PUM2: variants seen among roughly 807,000 people sequenced by gnomAD.
PUM2 encodes pumilio RNA binding family member 2.
PUM2 carries 57 observed loss-of-function variants against 124.5 expected under a neutral mutation model. The ratio of observed to expected loss-of-function variants is 0.46; its 90% CI spans 0.37 to 0.57. The LOEUF is 0.57. Ranked by LOEUF, PUM2 falls within the 20% of genes least tolerant of loss-of-function variation. The probability of loss-of-function intolerance (pLI) is 0.00; values close to 1 mark genes in which losing one functional copy is unlikely to be tolerated. For synonymous variants in PUM2, 460 were observed against 446.1 expected (o/e 1.03, Z -0.39); for missense variants, 1,065 against 1,290.6 (o/e 0.83, Z 2.68).
rs951319803 is a variant in PUM2, at chr2:20,253,789, A to C, written c.3063+33T>G. The C allele has an allele frequency of 1.9e-6, 3 of 1,557,444 alleles. No individual in the cohort carries two copies. In the Admixed American group the frequency reaches 5.3e-5, roughly 27 times the overall value. ...AAATGTGTAGCCTAAACACAAAGACAAACAGTTATCTGAGTGTTACATGCT... is the reference window on the plus strand; with the variant it reads ...AAATGTGTAGCCTAAACACAAAGACCAACAGTTATCTGAGTGTTACATGCT... On this transcript the variant is annotated intron_variant, in intron 20 of 20. Transcript: ENST00000361078.
At chr2:20,252,051 A>G (rs951950671) in intron 20 of PUM2, among the ~76,000 whole-genome samples, 3 of 152,240 alleles carry the variant, frequency 2.0e-5, no homozygotes, top group Non-Finnish European at 4.4e-5. Flanking sequence ...ACAAAGCACT[A>G]CTTATAACAA....
chr2:20,284,512 G>C lies in PUM2; in HGVS notation c.1292-1026C>G, dbSNP rs1344146923. 2.0e-5 allele frequency among the ~76,000 whole-genome samples: 3 copies of C among 151,668 alleles called. No homozygotes were observed. In the East Asian group the frequency reaches 5.8e-4, roughly 29 times the overall value. ...CTGGGACTACAGGTACATGCCACCA[G>C]GTCCGGATAATTTATTTTTATTTTC... On this transcript the variant is annotated intron_variant, in intron 10 of 20. Coordinates refer to ENST00000361078, the MANE Select transcript of PUM2 (RefSeq NM_015317.5).
intron 3 of PUM2, 124 bp downstream of exon 3, chr2:20,318,413 G>C (rs1466995725): frequency 1.3e-6 from 1 of 748,608 alleles, no homozygotes; most frequent in African/African-American, 1.8e-5. Context: ...ACCAGCCTGG[G>C]CAATAGCGCA....
chr2:20,338,092 C>T (rs1686490274), intron 1 of PUM2, among the ~76,000 whole-genome samples: 2 of 152,160 alleles, frequency 1.3e-5, no homozygotes, highest in Admixed American at 6.5e-5. Context: ...ATCACTCAAG[C>T]TAATGCCAAT....
At chr2:20,270,419 T>C (rs763818978) in intron 13 of PUM2, among the ~76,000 whole-genome samples, 2 of 152,184 alleles carry the variant, frequency 1.3e-5, no homozygotes, top group Non-Finnish European at 2.9e-5. Flanking sequence ...TAAAGCTTGC[T>C]TCAAAAGCTG....
rs1224375302 is a variant in PUM2 at position 20,336,517 on chromosome 2, A to ATT, written c.-18-9141_-18-9140dup. Reference sequence around the variant, plus strand: ...AAGTGGTTCTAAAGTTAAAGATATAATTTTTTTTTTTTTTAAAGAGACAGG... The same window carrying ATT: ...AAGTGGTTCTAAAGTTAAAGATATAATTTTTTTTTTTTTTTTAAAGAGACAGG... On this transcript the variant is annotated intron_variant, in intron 1 of 20. Transcript: ENST00000361078. 6.9e-3 allele frequency among the ~76,000 whole-genome samples: 989 copies of ATT among 143,942 alleles called. 7 individuals are homozygous for ATT. The highest frequency in any genetic ancestry group is 0.023 in the African/African-American group (911 of 39,496). The allele number at this position is 143,942 out of a possible 152,430, so 94.4% of individuals were successfully genotyped here. A position where few individuals can be genotyped will look rare whatever the true frequency, so the allele number is the denominator to read the frequency against.
chr2:20,307,872 G>A (rs894052134), intron 7 of PUM2, 106 bp downstream of exon 7: 12 of 1,409,290 alleles, frequency 8.5e-6, no homozygotes, highest in Middle Eastern at 1.9e-4. Context: ...GTTGATCTCA[G>A]ATGTTTCAAA....
chr2:20,292,489 A>G (rs914254586), intron 9 of PUM2, among the ~76,000 whole-genome samples: 1 of 152,032 alleles, frequency 6.6e-6, no homozygotes, highest in Non-Finnish European at 1.5e-5. Context: ...CAGCCTCCCC[A>G]GTAGCTAGGA....
intron 1 of PUM2, among the ~76,000 whole-genome samples, chr2:20,339,874 G>A (rs186825759): frequency 1.3e-5 from 2 of 152,176 alleles, no homozygotes; most frequent in East Asian, 1.9e-4. Flanking sequence ...CAGCCTGGGC[G>A]ATGAGTGAAA....
At chr2:20,312,137 AG>A in intron 4 of PUM2, 98 bp downstream of exon 4, 2 of 1,137,744 alleles carry the variant, frequency 1.8e-6, no homozygotes, top group Non-Finnish European at 2.4e-6. Context: ...TCTTAGCTAT[AG>A]GAAGGGCACA....
chr2:20,327,384 GAAT>G lies in PUM2; in HGVS notation c.-18-9_-18-7del. The G allele has an allele frequency of 6.5e-7, 1 of 1,540,226 alleles. No individual in the cohort carries two copies. The highest frequency in any genetic ancestry group is 8.9e-7 in the Non-Finnish European group (1 of 1,128,014). Reference sequence around the variant, plus strand: ...ATTTCATCCACAGATCAAACCTGTTGAATAACAAAAACAAAAATTAGTACAAAG... The same window carrying G: ...ATTTCATCCACAGATCAAACCTGTTGAACAAAAACAAAAATTAGTACAAAG... On this transcript the variant is annotated splice_polypyrimidine_tract_variant and splice_region_variant and intron_variant, in intron 1 of 20. Coordinates refer to ENST00000361078, the MANE Select transcript of PUM2 (RefSeq NM_015317.5).
chr2:20,252,375 C>A (rs1663631115), intron 20 of PUM2, among the ~76,000 whole-genome samples: 1 of 152,154 alleles, frequency 6.6e-6, no homozygotes, highest in African/African-American at 2.4e-5. Flanking sequence ...TACACCACTG[C>A]ACTCCAGCCT....
intron 12 of PUM2, 140 bp downstream of exon 12, chr2:20,282,807 T>C (rs1671836384): frequency 1.0e-6 from 1 of 983,836 alleles, no homozygotes; most frequent in Admixed American, 3.1e-5. Context: ...GATTTTTTTT[T>C]CCTACAAATT....
chr2:20,261,394 CAAAAAAAAA>C (rs200294801), intron 14 of PUM2, among the ~76,000 whole-genome samples: 57 of 76,780 alleles, frequency 7.4e-4, no homozygotes, highest in African/African-American at 1.3e-3. Context: ...ACTCTGTCTC[CAAAAAAAAA>C]AAAAAAAAAA....
intron 1 of PUM2, among the ~76,000 whole-genome samples, chr2:20,342,102 C>A (rs1375816867): frequency 4.8e-5 from 7 of 144,696 alleles, no homozygotes; most frequent in Non-Finnish European, 9.0e-5. Context: ...ACACTCCAGC[C>A]TGGGCAACAG....
At chr2:20,334,323 T>C (rs1685533125) in intron 1 of PUM2, among the ~76,000 whole-genome samples, 2 of 152,084 alleles carry the variant, frequency 1.3e-5, no homozygotes, top group Admixed American at 1.3e-4. Flanking sequence ...AAAAAAATTT[T>C]TTAAATTAAA....
rs1249609633 is a variant in PUM2 at position 20,256,077 on chromosome 2, G to A, written c.2578C>T (p.Gln860Ter). The change falls in exon 17 of 21, where the codon CAG becomes TAG. Residue 860 changes from glutamine (Q) to a stop codon, truncating the protein, a stop_gained. Coordinates refer to ENST00000361078, the MANE Select transcript of PUM2 (RefSeq NM_015317.5). LOFTEE classifies it high-confidence loss of function. ...HVVQKCIECV[Q>*]PQSLQFIIDA... ...ATGATGAACTGTAGTGACTGTGGCTGAACACATTCGATACATTTTTGTACA... is the reference window on the plus strand; with the variant it reads ...ATGATGAACTGTAGTGACTGTGGCTAAACACATTCGATACATTTTTGTACA... 6.3e-7 allele frequency: 1 copy of A among 1,599,964 alleles called. No homozygotes were observed. Among genetic ancestry groups the A allele is most frequent in the Non-Finnish European group, 8.5e-7 (1 of 1,175,100 alleles).
In PUM2 at chr2:20,263,178, A is replaced by G. The variant is rs1260435542; in HGVS notation, c.2225+15T>C. On this transcript the variant is annotated intron_variant, in intron 14 of 20. Transcript: ENST00000361078. ...TCAAAGCAAAAATGAAGTGAGAAAT[A>G]TCATAATCACCTACCTAGAACCATG... is the stretch of plus-strand genomic sequence containing the variant. 6.4e-7 allele frequency: 1 copy of G among 1,570,174 alleles called. No individual in the cohort carries two copies. Among genetic ancestry groups the G allele is most frequent in the South Asian group, 1.1e-5 (1 of 89,378 alleles).
intron 16 of PUM2, 63 bp from the exon 17 acceptor site, chr2:20,256,233 T>G: frequency 2.1e-6 from 3 of 1,443,322 alleles, no homozygotes; most frequent in Non-Finnish European, 2.8e-6. Context: ...GTATATTTTA[T>G]CTCAGTATTA....
Sources: gnomAD v4.1 joint callset for allele counts (sites outside exome capture counted in the v4.1 genomes callset) on GRCh38, gnomAD v4.1.1 for gene constraint, MANE v1.5 for transcripts, NCBI Gene and HGNC (gene_info 2026-07-23, HGNC 2026-07-21) for gene names.